The following RCOR1 variants were observed in gnomAD, a reference collection of about 807,000 sequenced individuals.
RCOR1 encodes the protein REST corepressor 1.
In RCOR1, 12 loss-of-function variants were observed where a neutral mutation model predicts 64.0. That is an observed-to-expected ratio of 0.19 (90% CI 0.12 to 0.30). The LOEUF (loss-of-function observed/expected upper bound fraction) is 0.30. Among genes scored for constraint, RCOR1 ranks in the 10% least tolerant of loss-of-function variants. The pLI, the probability that RCOR1 is intolerant of heterozygous loss-of-function variation, is 1.00. For missense variants in RCOR1, 502 were observed against 621.2 expected (o/e 0.81, Z 2.04); for synonymous variants, 279 against 227.2 (o/e 1.23, Z -2.05).
At chr14:102,635,975 C>T (rs1345607401) in intron 2 of RCOR1, among the ~76,000 whole-genome samples, 1 of 150,798 alleles carries the variant, frequency 6.6e-6, no homozygotes, top group Non-Finnish European at 1.5e-5. Flanking sequence ...GAGAGTCTCA[C>T]TCTGTCGCCC....
Position 102,659,700 on chromosome 14 carries a change from T to C in RCOR1, c.362-22195T>C, listed in dbSNP as rs572001195. Among the ~76,000 whole-genome samples the C allele has an allele frequency of 1.4e-4, 22 of 152,336 alleles. 1 individual carries two copies. In the South Asian group the frequency reaches 4.1e-3, roughly 29 times the overall value. On this transcript the variant is annotated intron_variant, in intron 2 of 11. Coordinates refer to ENST00000262241, the MANE Select transcript of RCOR1 (RefSeq NM_015156.4). ...TTGGGGTGACTTCTTGCAAGGGTAA[T>C]GTGAAGTAGTGTCACATGGACAGTA...
chr14:102,692,440 A>AACACACACACACACACAC (rs10622844), intron 3 of RCOR1, among the ~76,000 whole-genome samples: 32 of 146,342 alleles, frequency 2.2e-4, no homozygotes, highest in South Asian at 4.4e-4. Context: ...GGAAAAAGTT[A>AACACACACACACACACAC]ACACACACAC....
At chr14:102,714,733 C>T (rs534292103) in intron 8 of RCOR1, 116 bp downstream of exon 8, 114 of 800,080 alleles carry the variant, frequency 1.4e-4, no homozygotes, top group Admixed American at 8.1e-4. Flanking sequence ...CATTTTGTTT[C>T]GAAGGAATTG....
chr14:102,693,523 A>G (rs973260811), intron 3 of RCOR1, among the ~76,000 whole-genome samples: 9 of 152,138 alleles, frequency 5.9e-5, no homozygotes, highest in African/African-American at 1.4e-4. Context: ...AACCCTCCAC[A>G]TTGCAAACAG....
rs1279662020 is a variant in RCOR1 at position 102,682,061 on chromosome 14, A to G, written c.445+83A>G. The G allele has an allele frequency of 6.8e-6, 5 of 736,280 alleles. No individual in the cohort carries two copies. The African/African-American group carries it at 8.9e-5, about 13-fold the overall frequency. The allele number at this position is 736,280 out of a possible 1,614,324, so 45.6% of individuals were successfully genotyped here. On this transcript the variant is annotated intron_variant, in intron 3 of 11. Transcript: ENST00000262241. Reference sequence around the variant, plus strand: ...TACCTTTGAAGGTAAAAGCTTCTATATGTATTAAATTTCTTTTCTATTTTA... The same window carrying G: ...TACCTTTGAAGGTAAAAGCTTCTATGTGTATTAAATTTCTTTTCTATTTTA...
chr14:102,706,135 A>C (rs978505102), intron 4 of RCOR1, among the ~76,000 whole-genome samples: 1 of 150,038 alleles, frequency 6.7e-6, no homozygotes, highest in African/African-American at 2.5e-5. Flanking sequence ...AAAAAAAAAA[A>C]AAAAAAACCT....
chr14:102,627,045 T>G (rs900650093), intron 2 of RCOR1, among the ~76,000 whole-genome samples: 3 of 152,194 alleles, frequency 2.0e-5, no homozygotes, highest in African/African-American at 2.4e-5. Flanking sequence ...CTAGATAGTT[T>G]AAATGTCTTA....
At chr14:102,721,517 T>TG in intron 10 of RCOR1, 140 bp downstream of exon 10, 2 of 495,474 alleles carry the variant, frequency 4.0e-6, no homozygotes, top group Non-Finnish European at 7.2e-6. Context: ...CACCACTGCA[T>TG]TCCAGCCTGG....
At chr14:102,668,945 T>A (rs1188063249) in intron 2 of RCOR1, among the ~76,000 whole-genome samples, 1 of 152,166 alleles carries the variant, frequency 6.6e-6, no homozygotes, top group Admixed American at 6.5e-5. Flanking sequence ...TGATTGGAAA[T>A]CATGGACCTA....
At chr14:102,677,342 C>G (rs1247779993) in intron 2 of RCOR1, among the ~76,000 whole-genome samples, 4 of 139,680 alleles carry the variant, frequency 2.9e-5, no homozygotes, top group Non-Finnish European at 1.5e-5. Flanking sequence ...GGGGCTGACC[C>G]CCCCCCCACC....
At chr14:102,635,693 C>G (rs1397990804) in intron 2 of RCOR1, among the ~76,000 whole-genome samples, 4 of 151,910 alleles carry the variant, frequency 2.6e-5, no homozygotes, top group African/African-American at 9.7e-5. Flanking sequence ...TACAACTAAT[C>G]TGCATGGATT....
At chr14:102,642,380 T>A (rs534721775) in intron 2 of RCOR1, among the ~76,000 whole-genome samples, 1 of 152,358 alleles carries the variant, frequency 6.6e-6, no homozygotes, top group South Asian at 2.1e-4. Flanking sequence ...AGGAGGAAAT[T>A]GAAGCGCAGT....
chr14:102,599,195 C>T (rs908777706), intron 2 of RCOR1, among the ~76,000 whole-genome samples: 26 of 151,468 alleles, frequency 1.7e-4, no homozygotes, highest in African/African-American at 5.6e-4. Flanking sequence ...GTGATCATGG[C>T]GGCAGTGAAC....
At chr14:102,661,104 T>C (rs1894816217) in intron 2 of RCOR1, among the ~76,000 whole-genome samples, 1 of 152,104 alleles carries the variant, frequency 6.6e-6, no homozygotes, top group Non-Finnish European at 1.5e-5. Flanking sequence ...CCCAGCACTG[T>C]GGGAAGCTGA....
At chr14:102,683,268 T>C (rs1481299770) in intron 3 of RCOR1, among the ~76,000 whole-genome samples, 1 of 152,082 alleles carries the variant, frequency 6.6e-6, no homozygotes, top group Non-Finnish European at 1.5e-5. Flanking sequence ...GACAGCGAGC[T>C]CGGCTTGTGG....
intron 2 of RCOR1, among the ~76,000 whole-genome samples, chr14:102,623,276 T>A (rs1212118721): frequency 6.6e-6 from 1 of 152,088 alleles, no homozygotes; most frequent in African/African-American, 2.4e-5. Context: ...GATTTAGTAT[T>A]TATTGTTATT....
At chr14:102,635,574 G>A (rs1208054359) in intron 2 of RCOR1, among the ~76,000 whole-genome samples, 1 of 152,068 alleles carries the variant, frequency 6.6e-6, no homozygotes, top group Admixed American at 6.6e-5. Context: ...GCTAAAAGTA[G>A]CTATATTATT....
chr14:102,593,726 A>G (rs1292701939), intron 2 of RCOR1, among the ~76,000 whole-genome samples: 1 of 152,132 alleles, frequency 6.6e-6, no homozygotes, highest in Non-Finnish European at 1.5e-5. Context: ...AGGTCCCCAG[A>G]GACCCCTTTC....
intron 2 of RCOR1, among the ~76,000 whole-genome samples, chr14:102,606,075 G>A (rs1230611537): frequency 1.3e-5 from 2 of 151,932 alleles, no homozygotes; most frequent in African/African-American, 4.8e-5. Flanking sequence ...ACAGGTGCGC[G>A]CCACCATGCC....
Sources: gnomAD v4.1 joint callset for allele counts (sites outside exome capture counted in the v4.1 genomes callset) on GRCh38, gnomAD v4.1.1 for gene constraint, MANE v1.5 for transcripts, NCBI Gene and HGNC (gene_info 2026-07-23, HGNC 2026-07-21) for gene names.